The following GLRA1 variants were observed in gnomAD, a reference collection of about 807,000 sequenced individuals.
GLRA1 encodes glycine receptor alpha 1.
In GLRA1, 37 loss-of-function variants were observed where a neutral mutation model predicts 48.3. That is an observed-to-expected ratio of 0.77 (90% CI 0.59 to 1.01). The LOEUF (loss-of-function observed/expected upper bound fraction) is 1.01, where lower values mean the gene tolerates loss of function less well. Among genes scored for constraint, GLRA1 ranks in the 50% least tolerant of loss-of-function variants. The pLI, the probability that GLRA1 is intolerant of heterozygous loss-of-function variation, is 0.00. For synonymous variants in GLRA1, 196 were observed against 210.7 expected, an observed-to-expected ratio of 0.93 and a Z score of 0.60; for missense variants, 427 against 571.0, an observed-to-expected ratio of 0.75 and a Z score of 2.57.
At chr5:151,895,625 CTGTGTGTGTGTGTG>C (rs67871185) in intron 1 of GLRA1, among the ~76,000 whole-genome samples, 2 of 146,692 alleles carry the variant, frequency 1.4e-5, no homozygotes, top group African/African-American at 2.5e-5. Flanking sequence ...GTGTGTGTGT[CTGTGTGTGTGTGTG>C]TGTGTGTGTG....
rs1054459912 is a variant in GLRA1 at position 151,871,940 on chromosome 5, G to T, written c.253-11932C>A. Among the ~76,000 whole-genome samples, 56 of 149,728 alleles carry T rather than the reference G, an allele frequency of 3.7e-4. 7 individuals carry two copies. Among genetic ancestry groups the T allele is most frequent in the African/African-American group, 1.4e-3 (55 of 39,118 alleles). On this transcript the variant is annotated intron_variant, in intron 3 of 8. Coordinates refer to ENST00000274576, the MANE Select transcript of GLRA1 (RefSeq NM_000171.4). ...AGAAAGAAAGGGCTGAAAGCGTTAAGAAAAACTTGTAAATGAAGAACAACA... is the reference window on the plus strand; with the variant it reads ...AGAAAGAAAGGGCTGAAAGCGTTAATAAAAACTTGTAAATGAAGAACAACA...
intron 7 of GLRA1, among the ~76,000 whole-genome samples, chr5:151,834,011 C>T (rs1031742327): frequency 6.6e-6 from 1 of 152,074 alleles, no homozygotes; most frequent in Non-Finnish European, 1.5e-5. Flanking sequence ...GACTTAGACT[C>T]TCACACAATA....
In GLRA1 at chr5:151,873,185, T is replaced by G. The variant is rs1372408523; in HGVS notation, c.253-13177A>C. 2.7e-5 allele frequency among the ~76,000 whole-genome samples: 4 copies of G among 149,428 alleles called. No homozygotes were observed. The East Asian group carries it at 7.7e-4, about 29-fold the overall frequency. The stretch of plus-strand genomic sequence containing the variant: ...GAACACTGTGACATGGTTCCCGAAA[T>G]GGAAAGGTCTTTGAGGTGGAATGGG... On this transcript the variant is annotated intron_variant, in intron 3 of 8. Transcript: ENST00000274576.
chr5:151,846,623 G>C (rs6863833), intron 7 of GLRA1, among the ~76,000 whole-genome samples: 60,013 of 151,678 alleles, frequency 0.4, 11,986 homozygotes, highest in South Asian at 0.45. Flanking sequence ...ACAGAATGTT[G>C]TGTCTCACGT....
chr5:151,916,606 CA>C (rs1316556697), intron 1 of GLRA1, among the ~76,000 whole-genome samples: 1 of 152,226 alleles, frequency 6.6e-6, no homozygotes, highest in African/African-American at 2.4e-5. Flanking sequence ...GAGGCCTAAG[CA>C]AGCCTCTAGC....
intron 7 of GLRA1, among the ~76,000 whole-genome samples, chr5:151,841,092 C>T (rs1363001518): frequency 6.6e-6 from 1 of 152,032 alleles, no homozygotes; most frequent in African/African-American, 2.4e-5. Context: ...TTCTGAAGTG[C>T]ACCATGGAGT....
At chr5:151,881,299 A>G (rs2964601) in intron 3 of GLRA1, among the ~76,000 whole-genome samples, 83,040 of 150,274 alleles carry the variant, frequency 0.55, 23,334 homozygotes, top group East Asian at 0.69. Context: ...TTTCCTTTGT[A>G]CGTTTCTTTC....
At chr5:151,881,492 A>ATTTTTTT (rs3033233) in intron 3 of GLRA1, among the ~76,000 whole-genome samples, 1 of 116,858 alleles carries the variant, frequency 8.6e-6, no homozygotes, top group African/African-American at 3.4e-5. Context: ...ATGCCCTGCA[A>ATTTTTTT]TTTTTTTTTT....
chr5:151,897,559 A>G (rs1432548369), intron 1 of GLRA1, among the ~76,000 whole-genome samples: 2 of 152,204 alleles, frequency 1.3e-5, no homozygotes, highest in Non-Finnish European at 2.9e-5. Context: ...GTCTTCTGAG[A>G]CCAAGTTTTC....
At chr5:151,823,669 C>G (rs545989773) in intron 8 of GLRA1, among the ~76,000 whole-genome samples, 1 of 152,310 alleles carries the variant, frequency 6.6e-6, no homozygotes, top group South Asian at 2.1e-4. Context: ...AGTTTTCATT[C>G]AAGACCCTTC....
rs1029798356 is a variant in GLRA1 at position 151,871,334 on chromosome 5, A to G, written c.253-11326T>C. 2.0e-5 allele frequency among the ~76,000 whole-genome samples: 3 copies of G among 149,494 alleles called. 1 individual carries two copies. The highest frequency in any genetic ancestry group is 7.7e-5 in the African/African-American group (3 of 38,892). ...TAATGGAAAAAGGAACAACAACAAAAGATCTCATCCATAATAGCAACCACC... is the reference window on the plus strand; with the variant it reads ...TAATGGAAAAAGGAACAACAACAAAGGATCTCATCCATAATAGCAACCACC... On this transcript the variant is annotated intron_variant, in intron 3 of 8. Coordinates refer to ENST00000274576, the MANE Select transcript of GLRA1 (RefSeq NM_000171.4).
chr5:151,827,524 C>T (rs1388996314), intron 8 of GLRA1, among the ~76,000 whole-genome samples: 2 of 152,128 alleles, frequency 1.3e-5, no homozygotes, highest in Non-Finnish European at 2.9e-5. Context: ...TAATTCTCAC[C>T]AGAATTTCCC....
At chr5:151,887,745 A>G (rs911448012) in intron 2 of GLRA1, among the ~76,000 whole-genome samples, 1 of 152,234 alleles carries the variant, frequency 6.6e-6, no homozygotes, top group South Asian at 2.1e-4. Flanking sequence ...GGCAGAGTCC[A>G]GAATTTTCAG....
intron 1 of GLRA1, among the ~76,000 whole-genome samples, chr5:151,893,741 T>G (rs1403749393): frequency 6.6e-6 from 1 of 152,224 alleles, no homozygotes; most frequent in Non-Finnish European, 1.5e-5. Context: ...TGCCACATTT[T>G]CTTTATCCAG....
At chr5:151,863,034 C>T (rs181358321) in intron 3 of GLRA1, among the ~76,000 whole-genome samples, 40 of 152,304 alleles carry the variant, frequency 2.6e-4, no homozygotes, top group Non-Finnish European at 4.1e-4. Context: ...CTATTCACAA[C>T]GTGAGGAGCT....
At chr5:151,844,932 G>A (rs1752628927) in intron 7 of GLRA1, among the ~76,000 whole-genome samples, 1 of 152,156 alleles carries the variant, frequency 6.6e-6, no homozygotes, top group Non-Finnish European at 1.5e-5. Context: ...GAAAGTGAAG[G>A]GAAGCCATCA....
At chr5:151,858,666 C>G (rs1753111247) in intron 4 of GLRA1, among the ~76,000 whole-genome samples, 1 of 152,212 alleles carries the variant, frequency 6.6e-6, no homozygotes, top group South Asian at 2.1e-4. Context: ...AAGCTCCCTC[C>G]CCTACCCAGC....
At position 151,822,850 on chromosome 5, in the gene GLRA1, G is replaced by T. The variant is rs1423229153; in HGVS notation, c.1173C>A (p.Thr391=). 1.9e-6 allele frequency: 3 copies of T among 1,614,030 alleles called. No individual in the cohort carries two copies. In the East Asian group the frequency reaches 6.7e-5, roughly 36 times the overall value. Reference sequence around the variant, plus strand: ...ACTTAGATGGTGCAGGAGGGGGGTTGGTGGTGTTACTGTTGTTGGCGCCCT... The same window carrying T: ...ACTTAGATGGTGCAGGAGGGGGGTTTGTGGTGTTACTGTTGTTGGCGCCCT... ...SVKGANNSNT[T]NPPPAPSKSP... is the part of the protein sequence containing the mutation. Residue 391 remains threonine (T), a synonymous_variant, in exon 9 of 9, where the codon ACC becomes ACA. Transcript: ENST00000274576.
At chr5:151,886,232 C>T (rs939017080) in intron 3 of GLRA1, among the ~76,000 whole-genome samples, 1 of 151,832 alleles carries the variant, frequency 6.6e-6, no homozygotes, top group Non-Finnish European at 1.5e-5. Flanking sequence ...ATCATTCTTA[C>T]AATTTTGGTA....
Sources: allele counts gnomAD v4.1 joint callset (sites outside exome capture counted in the v4.1 genomes callset), GRCh38; gene constraint gnomAD v4.1.1; transcripts MANE v1.5; gene names NCBI Gene and HGNC (gene_info 2026-07-23, HGNC 2026-07-21).